The following SLC41A2 variants were observed in gnomAD, a reference collection of about 807,000 sequenced individuals.
SLC41A2 encodes solute carrier family 41 member 2.
SLC41A2 carries 32 observed loss-of-function variants against 58.3 expected under a neutral mutation model. The ratio of observed to expected loss-of-function variants is 0.55; its 90% CI spans 0.41 to 0.74. The LOEUF (loss-of-function observed/expected upper bound fraction) is 0.74. Among genes scored for constraint, SLC41A2 ranks in the 30% least tolerant of loss-of-function variants. The probability of loss-of-function intolerance (pLI) is 0.00; values close to 1 mark genes in which losing one functional copy is unlikely to be tolerated. For synonymous variants in SLC41A2, 190 were observed against 235.0 expected (o/e 0.81, Z 1.75); for missense variants, 514 against 680.6 (o/e 0.76, Z 2.72).
chr12:104,827,598 T>C (rs2041891610), intron 10 of SLC41A2, among the ~76,000 whole-genome samples: 1 of 152,250 alleles, frequency 6.6e-6, no homozygotes, highest in Non-Finnish European at 1.5e-5. Context: ...TCTTTCCTTG[T>C]ATAACACACG....
chr12:104,817,844 G>A (rs920032938), intron 10 of SLC41A2, among the ~76,000 whole-genome samples: 6 of 151,094 alleles, frequency 4.0e-5, no homozygotes, highest in African/African-American at 9.7e-5. Flanking sequence ...GTACAGCCAC[G>A]ACATCACTAG....
At chr12:104,898,715 CAG>C (rs1228491763) in intron 3 of SLC41A2, among the ~76,000 whole-genome samples, 1 of 151,984 alleles carries the variant, frequency 6.6e-6, no homozygotes, top group Non-Finnish European at 1.5e-5. Context: ...TATCTAAAAA[CAG>C]ATATTTGCAA....
intron 6 of SLC41A2, among the ~76,000 whole-genome samples, chr12:104,872,239 A>C (rs1480996649): frequency 3.9e-5 from 6 of 152,236 alleles, no homozygotes; most frequent in Non-Finnish European, 8.8e-5. Context: ...CCTAAATACC[A>C]GGGTAAAAAC....
chr12:104,929,245 G>A (rs887391361), intron 1 of SLC41A2, among the ~76,000 whole-genome samples: 2 of 152,076 alleles, frequency 1.3e-5, no homozygotes, highest in Admixed American at 1.3e-4. Context: ...ATACTATATA[G>A]GGCATTTATT....
At chr12:104,926,211 CAA>C (rs1009418561) in intron 2 of SLC41A2, among the ~76,000 whole-genome samples, 39 of 152,142 alleles carry the variant, frequency 2.6e-4, no homozygotes, top group African/African-American at 7.7e-4. Flanking sequence ...GACTGATAAA[CAA>C]AAACTGACAG....
intron 9 of SLC41A2, among the ~76,000 whole-genome samples, chr12:104,845,277 C>CAAAG (rs1189563116): frequency 6.6e-6 from 1 of 151,994 alleles, no homozygotes. Flanking sequence ...TGCAACAGAG[C>CAAAG]AAAGCCCTGT....
chr12:104,805,467 TAAGA>T lies in SLC41A2; in HGVS notation c.1537-134_1537-131del, dbSNP rs1345863604. 4 of 582,562 alleles carry T rather than the reference TAAGA, an allele frequency of 6.9e-6. No individual in the cohort carries two copies. The African/African-American group carries it at 7.6e-5, about 11-fold the overall frequency. 36.1% of individuals were successfully genotyped at this position (582,562 alleles called of 1,614,324 possible). ...CTAAGTCAAGAACCATGCTTGAAAA[TAAGA>T]AATACTTAGATGACAAGAATACTTT... is the stretch of plus-strand genomic sequence containing the variant. On this transcript the variant is annotated intron_variant, in intron 10 of 10. Coordinates refer to ENST00000258538, the MANE Select transcript of SLC41A2 (RefSeq NM_001352171.3).
chr12:104,907,206 CTTT>C (rs10714684), intron 3 of SLC41A2, among the ~76,000 whole-genome samples: 1 of 126,788 alleles, frequency 7.9e-6, no homozygotes, highest in Admixed American at 7.8e-5. Context: ...ATGTCCCCAT[CTTT>C]TTTTTTTTTT....
At chr12:104,881,226 C>T (rs998417227) in intron 6 of SLC41A2, among the ~76,000 whole-genome samples, 2 of 152,052 alleles carry the variant, frequency 1.3e-5, no homozygotes, top group Admixed American at 1.3e-4. Context: ...ATTAGTCTTG[C>T]TAGCGGTCTA....
intron 6 of SLC41A2, among the ~76,000 whole-genome samples, chr12:104,867,180 C>T (rs1319115483): frequency 1.3e-5 from 2 of 151,962 alleles, no homozygotes; most frequent in African/African-American, 2.4e-5. Flanking sequence ...ATCCAAGCTC[C>T]AAAATGAAAT....
intron 10 of SLC41A2, among the ~76,000 whole-genome samples, chr12:104,814,657 T>C (rs896364067): frequency 1.3e-5 from 2 of 152,134 alleles, no homozygotes; most frequent in Non-Finnish European, 2.9e-5. Flanking sequence ...GAGGTTATCA[T>C]TACCTACCTG....
At chr12:104,958,541 A>C (rs2048261909), upstream of SLC41A2, 1 of 152,272 alleles carries the variant, frequency 6.6e-6, no homozygotes, top group African/African-American at 2.4e-5. Flanking sequence ...CCCAGGAGAG[A>C]AGGGCTGTGG....
chr12:104,806,822 T>C lies in SLC41A2; in HGVS notation c.1537-1485A>G, dbSNP rs1460655404. Among the ~76,000 whole-genome samples the C allele has an allele frequency of 2.0e-5, 3 of 152,214 alleles. No homozygotes were observed. In the East Asian group the frequency reaches 5.8e-4, roughly 29 times the overall value. On this transcript the variant is annotated intron_variant, in intron 10 of 10. Coordinates refer to ENST00000258538, the MANE Select transcript of SLC41A2 (RefSeq NM_001352171.3). ...GCATTTCTCTGATGGCCAGTGATGA[T>C]GAGCATTTTTTCATGTGTCTTTTGG...
At chr12:104,952,939 A>C (rs1031681538) in intron 1 of SLC41A2, among the ~76,000 whole-genome samples, 2 of 152,202 alleles carry the variant, frequency 1.3e-5, no homozygotes, top group African/African-American at 4.8e-5. Flanking sequence ...CCTCATAGAT[A>C]AGTTCTCCTT....
At chr12:104,945,460 A>G (rs2047680060) in intron 1 of SLC41A2, among the ~76,000 whole-genome samples, 1 of 152,096 alleles carries the variant, frequency 6.6e-6, no homozygotes, top group Admixed American at 6.5e-5. Flanking sequence ...AGATCGCACC[A>G]CTGCACTCTA....
Position 104,886,290 on chromosome 12 carries a change from T to C in SLC41A2, c.1027+3A>G, listed in dbSNP as rs1423782814. The C allele has an allele frequency of 6.2e-7, 1 of 1,611,608 alleles. No homozygotes were observed. The highest frequency in any genetic ancestry group is 1.3e-5 in the African/African-American group (1 of 74,796). On this transcript the variant is annotated splice_donor_region_variant and intron_variant, in intron 6 of 10. Coordinates refer to ENST00000258538, the MANE Select transcript of SLC41A2 (RefSeq NM_001352171.3). ...CACAATATTTAGTTTTAAATCAACTTACCAAGACAGGAGTATAAGCCCTGA... is the reference window on the plus strand; with the variant it reads ...CACAATATTTAGTTTTAAATCAACTCACCAAGACAGGAGTATAAGCCCTGA...
upstream of SLC41A2, chr12:104,958,370 C>G (rs2048257402): frequency 6.7e-6 from 1 of 148,980 alleles, no homozygotes; most frequent in Non-Finnish European, 1.5e-5. Context: ...AGCGCAGCCG[C>G]GCCGCCGCCG....
intron 2 of SLC41A2, among the ~76,000 whole-genome samples, chr12:104,925,214 T>G (rs957746802): frequency 6.6e-6 from 1 of 152,228 alleles, no homozygotes. Flanking sequence ...CTAGATGTAT[T>G]ACATTTCAAT....
In SLC41A2 at chr12:104,901,290, A is replaced by G. The variant is rs2045547161; in HGVS notation, c.664-5945T>C. Among the ~76,000 whole-genome samples the G allele has an allele frequency of 2.0e-5, 3 of 152,146 alleles. No homozygotes were observed. The South Asian group carries it at 6.2e-4, about 32-fold the overall frequency. On this transcript the variant is annotated intron_variant, in intron 3 of 10. Coordinates refer to ENST00000258538, the MANE Select transcript of SLC41A2 (RefSeq NM_001352171.3). ...AAGCAGAAAATTTTAGACCTCAAAC[A>G]ATAGAAAAACTCAACAATTTATAGA...
Sources: allele counts gnomAD v4.1 joint callset (sites outside exome capture counted in the v4.1 genomes callset), GRCh38; gene constraint gnomAD v4.1.1; transcripts MANE v1.5; gene names NCBI Gene and HGNC (gene_info 2026-07-23, HGNC 2026-07-21).